Variants in WT1 observed in about 807,000 individuals in gnomAD.
The protein encoded by WT1 is Wilms tumor protein.
In WT1, 8 loss-of-function variants were observed where a neutral mutation model predicts 60.8. The observed-to-expected ratio is 0.13, with a 90% CI of 0.08 to 0.24. WT1 has a LOEUF of 0.24. Among genes scored for constraint, WT1 ranks in the 10% least tolerant of loss-of-function variants. The pLI is 1.00. For missense variants in WT1, 568 were observed against 711.8 expected (o/e 0.80, Z 2.30); for synonymous variants, 312 against 297.1 (o/e 1.05, Z -0.52).
intron 5 of WT1, among the ~76,000 whole-genome samples, chr11:32,410,929 T>C (rs1209189759): frequency 1.3e-5 from 2 of 152,208 alleles, no homozygotes; most frequent in African/African-American, 4.8e-5. Flanking sequence ...GTTATGATCT[T>C]TTCTTGGGCA....
chr11:32,397,140 A>T (rs1564973615), intron 6 of WT1, among the ~76,000 whole-genome samples: 1 of 152,190 alleles, frequency 6.6e-6, no homozygotes, highest in Non-Finnish European at 1.5e-5. Context: ...GTCTTCCAAG[A>T]ATAAGAACTG....
At chr11:32,408,359 C>T (rs780541383) in intron 5 of WT1, among the ~76,000 whole-genome samples, 71 of 151,068 alleles carry the variant, frequency 4.7e-4, no homozygotes, top group Non-Finnish European at 7.1e-4. Context: ...CTAAAAAATA[C>T]AAAACATTAG....
chr11:32,431,455 G>A, intron 1 of WT1, among the ~76,000 whole-genome samples: 1 of 126,920 alleles, frequency 7.9e-6, no homozygotes, highest in Non-Finnish European at 1.6e-5. Flanking sequence ...TTTTTTTTCC[G>A]AGACGGAGTT....
intron 5 of WT1, among the ~76,000 whole-genome samples, chr11:32,412,137 C>T (rs1299249439): frequency 6.6e-6 from 1 of 152,170 alleles, no homozygotes; most frequent in Non-Finnish European, 1.5e-5. Flanking sequence ...TGTATTGGAG[C>T]TCCCAGCCAG....
At chr11:32,403,385 C>CCAGAAAGG (rs1852213427) in intron 5 of WT1, among the ~76,000 whole-genome samples, 1 of 152,000 alleles carries the variant, frequency 6.6e-6, no homozygotes, top group Admixed American at 6.6e-5. Context: ...TAGAAAGGAT[C>CCAGAAAGG]CAGAAAGGCC....
At chr11:32,416,782 C>T (rs1033136635) in intron 4 of WT1, among the ~76,000 whole-genome samples, 5 of 152,166 alleles carry the variant, frequency 3.3e-5, no homozygotes, top group African/African-American at 1.2e-4. Flanking sequence ...AGCTCTAGCA[C>T]TTAGTAGGAT....
At chr11:32,426,994 C>T (rs1016559031) in intron 3 of WT1, among the ~76,000 whole-genome samples, 1 of 152,178 alleles carries the variant, frequency 6.6e-6, no homozygotes, top group Non-Finnish European at 1.5e-5. Context: ...CTTCCCTTGA[C>T]GTCAGCCCCG....
intron 6 of WT1, among the ~76,000 whole-genome samples, chr11:32,398,488 C>T (rs1381627684): frequency 6.6e-6 from 1 of 152,202 alleles, no homozygotes; most frequent in Non-Finnish European, 1.5e-5. Context: ...TACCTTTATA[C>T]TTTACTTTCT....
intron 1 of WT1, chr11:32,430,458 GAGA>G (rs1564997608): frequency 2.2e-4 from 71 of 323,448 alleles, no homozygotes; most frequent in South Asian, 8.2e-4. Context: ...GAGGGAGGGA[GAGA>G]GAGAGAGAGA....
rs2132941316 is a variant in WT1 at position 32,396,369 on chromosome 11, T to C, written c.1152A>G (p.Val384=). 1 of 1,614,080 alleles carries C rather than the reference T, an allele frequency of 6.2e-7. No homozygotes were observed. The highest frequency in any genetic ancestry group is 1.3e-5 in the African/African-American group (1 of 75,028). ...TCTCACTGGTCTCAGATGCCGACCG[T>C]ACAAGAGTCGGGGCTACTCCAGGCA... is the stretch of plus-strand genomic sequence containing the variant. Residue 384 remains valine (V), a synonymous_variant, in exon 7 of 10, where the codon GTA becomes GTG. Coordinates refer to ENST00000452863, the MANE Select transcript of WT1 (RefSeq NM_024426.6).
At chr11:32,423,992 C>G (rs559640120) in intron 3 of WT1, among the ~76,000 whole-genome samples, 1 of 152,024 alleles carries the variant, frequency 6.6e-6, no homozygotes, top group African/African-American at 2.4e-5. Context: ...GAAACCCCCT[C>G]TCTACTAAAA....
intron 5 of WT1, among the ~76,000 whole-genome samples, chr11:32,406,575 G>A (rs1852317423): frequency 6.6e-6 from 1 of 152,026 alleles, no homozygotes; most frequent in Non-Finnish European, 1.5e-5. Context: ...GCTAACTGAT[G>A]GAAATGGCTG....
chr11:32,402,789 G>A (rs564627204), intron 5 of WT1, among the ~76,000 whole-genome samples: 1 of 152,320 alleles, frequency 6.6e-6, no homozygotes, highest in East Asian at 1.9e-4. Flanking sequence ...GGGCTCAAGT[G>A]ATTCTCCCAC....
intron 3 of WT1, among the ~76,000 whole-genome samples, chr11:32,418,717 T>C (rs1852758934): frequency 6.6e-6 from 1 of 152,176 alleles, no homozygotes; most frequent in Non-Finnish European, 1.5e-5. Context: ...GAAAGGCTTT[T>C]TTCAGGCCAA....
chr11:32,407,306 G>T (rs1399481579), intron 5 of WT1, among the ~76,000 whole-genome samples: 1 of 152,090 alleles, frequency 6.6e-6, no homozygotes, highest in East Asian at 1.9e-4. Context: ...CTTTAGAAAT[G>T]ATTAACTTTG....
chr11:32,400,220 C>T, intron 5 of WT1, 176 bp from the exon 6 acceptor site: 1 of 737,702 alleles, frequency 1.4e-6, no homozygotes, highest in South Asian at 1.6e-5. Flanking sequence ...GGGCGAGGCC[C>T]CTGGATCCTG....
chr11:32,420,161 A>G (rs1252163530), intron 3 of WT1, among the ~76,000 whole-genome samples: 1 of 152,216 alleles, frequency 6.6e-6, no homozygotes, highest in African/African-American at 2.4e-5. Flanking sequence ...ATTTTTTGCT[A>G]TATTGAGTCA....
chr11:32,388,995 G>T lies in WT1; in HGVS notation c.*63C>A. 6.2e-7 allele frequency: 1 copy of T among 1,612,244 alleles called. No homozygotes were observed. Among genetic ancestry groups the T allele is most frequent in the Non-Finnish European group, 8.5e-7 (1 of 1,179,104 alleles). On this transcript the variant is annotated 3_prime_UTR_variant, in exon 10 of 10. Transcript: ENST00000452863. ...TTTAGTGAGGAGGAGTGGAGAGTCA[G>T]ACTTGAAAGCAGTTCACACACTGTG...
In WT1 at chr11:32,400,026, C is replaced by T. The variant is rs757962229; in HGVS notation, c.1035G>A (p.Glu345=). The T allele has an allele frequency of 2.5e-6, 4 of 1,614,104 alleles. No individual in the cohort carries two copies. Among genetic ancestry groups the T allele is most frequent in the East Asian group, 2.2e-5 (1 of 44,900 alleles). Residue 345 remains glutamate (E), a synonymous_variant, in exon 6 of 10, where the codon GAG becomes GAA. Transcript: ENST00000452863. ...GGATGGGCGTTGTGTGGTTATCGCT[C>T]TCGTACCCTGTGCTGTGGCTGCAAA...
Sources: gnomAD v4.1 joint callset for allele counts (sites outside exome capture counted in the v4.1 genomes callset) on GRCh38, gnomAD v4.1.1 for gene constraint, MANE v1.5 for transcripts, NCBI Gene and HGNC (gene_info 2026-07-23, HGNC 2026-07-21) for gene names.